Variants in ALK observed in about 807,000 individuals in gnomAD.
The protein encoded by ALK is ALK tyrosine kinase receptor.
A neutral mutation model predicts 163.1 loss-of-function variants in ALK; 74 were observed. That is an observed-to-expected ratio of 0.45 (90% CI 0.38 to 0.55). ALK has a LOEUF of 0.55. Among genes scored for constraint, ALK ranks in the 20% least tolerant of loss-of-function variants. The pLI, the probability that ALK is intolerant of heterozygous loss-of-function variation, is 0.00. For synonymous variants in ALK, 960 were observed against 843.2 expected, an observed-to-expected ratio of 1.14 and a Z score of -2.40; for missense variants, 2,063 against 2,105.3, an observed-to-expected ratio of 0.98 and a Z score of 0.39.
rs149084838 is a variant in ALK at position 29,853,011 on chromosome 2, G to T, written c.667+66982C>A. Among the ~76,000 whole-genome samples, 716 of 152,230 alleles carry T rather than the reference G, an allele frequency of 4.7e-3. 3 individuals are homozygous for T. The highest frequency in any genetic ancestry group is 0.016 in the African/African-American group (683 of 41,538). ...AGGACTGTGAGAAATAGATGTGGTT[G>T]TTTAGGGTACACAGTCTATGGTATT... On this transcript the variant is annotated intron_variant, in intron 1 of 28. Coordinates refer to ENST00000389048, the MANE Select transcript of ALK (RefSeq NM_004304.5).
At chr2:29,700,505 T>C (rs1422255476) in intron 2 of ALK, among the ~76,000 whole-genome samples, 3 of 152,048 alleles carry the variant, frequency 2.0e-5, no homozygotes, top group Non-Finnish European at 4.4e-5. Flanking sequence ...GACCCCACCA[T>C]TGCACTCCAG....
chr2:29,610,216 C>T (rs1037420348), intron 3 of ALK, among the ~76,000 whole-genome samples: 1 of 152,054 alleles, frequency 6.6e-6, no homozygotes, highest in Non-Finnish European at 1.5e-5. Context: ...GAGTACCAAG[C>T]GACAGTTGCC....
chr2:29,239,611 G>T, intron 13 of ALK, 69 bp downstream of exon 13: 1 of 1,578,556 alleles, frequency 6.3e-7, no homozygotes, highest in Non-Finnish European at 8.7e-7. Context: ...GTTGAGTGTT[G>T]GTGCCTCCAA....
intron 4 of ALK, among the ~76,000 whole-genome samples, chr2:29,487,797 C>T (rs12714287): frequency 0.36 from 55,137 of 151,866 alleles, 10,526 homozygotes; most frequent in East Asian, 0.69. Context: ...GTCATTTTAC[C>T]GAGACAGAAC....
intron 1 of ALK, among the ~76,000 whole-genome samples, chr2:29,755,081 G>A (rs925483736): frequency 6.6e-6 from 1 of 151,630 alleles, no homozygotes; most frequent in African/African-American, 2.4e-5. Flanking sequence ...GCTTCTCTAA[G>A]GGTACCAACT....
intron 3 of ALK, among the ~76,000 whole-genome samples, chr2:29,542,504 G>A (rs1315632004): frequency 2.0e-5 from 3 of 152,126 alleles, no homozygotes; most frequent in Non-Finnish European, 2.9e-5. Flanking sequence ...TATTTGAAAT[G>A]TTTATTTCAT....
intron 1 of ALK, among the ~76,000 whole-genome samples, chr2:29,902,839 G>A (rs761574532): frequency 1.3e-5 from 2 of 152,060 alleles, no homozygotes; most frequent in African/African-American, 2.4e-5. Flanking sequence ...TTCTTTGCCC[G>A]AAGACATTTA....
At chr2:29,656,465 A>G (rs1173902926) in intron 3 of ALK, among the ~76,000 whole-genome samples, 2 of 152,214 alleles carry the variant, frequency 1.3e-5, no homozygotes, top group African/African-American at 4.8e-5. Flanking sequence ...AGGGGAACAT[A>G]TTGAAAGCAA....
intron 23 of ALK, 30 bp from the exon 24 acceptor site, chr2:29,214,111 G>T (rs768107923): frequency 2.5e-6 from 4 of 1,579,112 alleles, no homozygotes; most frequent in East Asian, 4.5e-5. Flanking sequence ...GGCCACTGAC[G>T]AGGAGCTTGT....
chr2:29,547,907 G>A (rs1252704884), intron 3 of ALK, among the ~76,000 whole-genome samples: 1 of 152,146 alleles, frequency 6.6e-6, no homozygotes, highest in Non-Finnish European at 1.5e-5. Context: ...CATTAATAAC[G>A]AACAATTTTA....
chr2:29,573,525 C>G (rs772909074), intron 3 of ALK, among the ~76,000 whole-genome samples: 1 of 152,192 alleles, frequency 6.6e-6, no homozygotes, highest in Non-Finnish European at 1.5e-5. Flanking sequence ...GGATCTCACT[C>G]TATTGCCCAG....
rs893422641 is a variant in ALK at position 29,564,190 on chromosome 2, T to C, written c.953-32074A>G. Reference sequence around the variant, plus strand: ...GGTGCGAGCTTTGGACTCAGCTACATGGGAAGCTACCTTCTCCCAACTCCC... The same window carrying C: ...GGTGCGAGCTTTGGACTCAGCTACACGGGAAGCTACCTTCTCCCAACTCCC... On this transcript the variant is annotated intron_variant, in intron 3 of 28. Coordinates refer to ENST00000389048, the MANE Select transcript of ALK (RefSeq NM_004304.5). Among the ~76,000 whole-genome samples the C allele has an allele frequency of 2.6e-5, 4 of 151,512 alleles. No homozygotes were observed. The East Asian group carries it at 7.8e-4, about 29-fold the overall frequency.
intron 1 of ALK, among the ~76,000 whole-genome samples, chr2:29,821,266 G>C (rs997350295): frequency 6.6e-6 from 1 of 152,032 alleles, no homozygotes; most frequent in African/African-American, 2.4e-5. Flanking sequence ...ATAGTTTCTA[G>C]GGAGGTGGCC....
chr2:29,246,855 A>G lies in ALK; in HGVS notation c.2204+4250T>C, dbSNP rs1573156054. Among the ~76,000 whole-genome samples, 1 of 151,180 alleles carries G rather than the reference A, an allele frequency of 6.6e-6. No individual in the cohort carries two copies. The highest frequency in any genetic ancestry group is 1.5e-5 in the Non-Finnish European group (1 of 67,748). ...CCTCCAGGCCGTTTCTCTCACTTCC[A>G]CCCTCATGCTTTCACCAGGGGGAGC... On this transcript the variant is annotated intron_variant, in intron 12 of 28. Transcript: ENST00000389048. The surrounding 1 kb of genome is among the most constrained non-coding windows in gnomAD (Gnocchi z 4.3).
At chr2:29,862,872 A>G (rs2148407660) in intron 1 of ALK, among the ~76,000 whole-genome samples, 1 of 152,086 alleles carries the variant, frequency 6.6e-6, no homozygotes, top group Middle Eastern at 3.4e-3. Flanking sequence ...AAAATGCACT[A>G]CTAAGCTTTA....
intron 4 of ALK, among the ~76,000 whole-genome samples, chr2:29,495,437 C>G (rs943475378): frequency 6.6e-6 from 1 of 152,180 alleles, no homozygotes; most frequent in Non-Finnish European, 1.5e-5. Flanking sequence ...AAACTCTTCT[C>G]CCTTTGGATT....
chr2:29,511,928 T>C (rs1420369555), intron 4 of ALK, among the ~76,000 whole-genome samples: 2 of 152,206 alleles, frequency 1.3e-5, no homozygotes. Context: ...TATTAAAATA[T>C]TTTGCCCACT....
At chr2:29,881,510 G>T (rs532996304) in intron 1 of ALK, among the ~76,000 whole-genome samples, 20 of 152,284 alleles carry the variant, frequency 1.3e-4, no homozygotes, top group African/African-American at 4.8e-4. Flanking sequence ...GCATTGTCAG[G>T]CATGGCAAAC....
At chr2:29,675,505 G>A (rs1275667860) in intron 3 of ALK, among the ~76,000 whole-genome samples, 1 of 151,964 alleles carries the variant, frequency 6.6e-6, no homozygotes, top group Non-Finnish European at 1.5e-5. Flanking sequence ...AAAACCTGAT[G>A]GGACAGAGAC....
Sources: allele counts gnomAD v4.1 joint callset (sites outside exome capture counted in the v4.1 genomes callset), GRCh38; gene constraint gnomAD v4.1.1; non-coding constraint Gnocchi (gnomAD v3.1); transcripts MANE v1.5; gene names NCBI Gene and HGNC (gene_info 2026-07-23, HGNC 2026-07-21).